ST8SIA5: variants seen among roughly 807,000 people sequenced by gnomAD.
ST8SIA5 encodes ST8 alpha-N-acetyl-neuraminide alpha-2,8-sialyltransferase 5.
A neutral mutation model predicts 40.2 loss-of-function variants in ST8SIA5; 24 were observed. The ratio of observed to expected loss-of-function variants is 0.60; its 90% CI spans 0.43 to 0.84. The LOEUF is 0.84. Among genes scored for constraint, ST8SIA5 ranks in the 40% least tolerant of loss-of-function variants. ST8SIA5 has a pLI of 0.00. For missense variants in ST8SIA5, 465 were observed against 498.5 expected, an observed-to-expected ratio of 0.93 and a Z score of 0.64; for synonymous variants, 198 against 201.8, an observed-to-expected ratio of 0.98 and a Z score of 0.16.
chr18:46,751,975 C>A (rs945291705), intron 1 of ST8SIA5, among the ~76,000 whole-genome samples: 2 of 152,264 alleles, frequency 1.3e-5, no homozygotes, highest in South Asian at 4.2e-4. Flanking sequence ...CTGTCACCCT[C>A]CCCGCTCCCT....
In ST8SIA5 at chr18:46,677,712, C is replaced by T. The variant is rs1437832432; in HGVS notation, c.*2330G>A. 1.3e-5 allele frequency: 2 copies of T among 152,234 alleles called. No individual in the cohort carries two copies. Among genetic ancestry groups the T allele is most frequent in the Non-Finnish European group, 2.9e-5 (2 of 68,060 alleles). The allele number at this position is 152,234 out of a possible 1,614,324, so 9.4% of individuals were successfully genotyped here. A position where few individuals can be genotyped will look rare whatever the true frequency, so the allele number is the denominator to read the frequency against. On this transcript the variant is annotated 3_prime_UTR_variant, in exon 7 of 7. Transcript: ENST00000315087. ...GGCTGGATCCCGATGCTCCAATCCT[C>T]AGCTCCTACGAGGGCCCTGGCTGGG...
At chr18:46,709,084 A>G (rs545313623) in intron 1 of ST8SIA5, among the ~76,000 whole-genome samples, 61 of 152,128 alleles carry the variant, frequency 4.0e-4, no homozygotes, top group Non-Finnish European at 3.1e-4. Context: ...CTCAGTCTGT[A>G]GAGATGATTG....
chr18:46,688,844 C>A lies in ST8SIA5; in HGVS notation c.387G>T (p.Lys129Asn). 1 of 1,614,112 alleles carries A rather than the reference C, an allele frequency of 6.2e-7. No individual in the cohort carries two copies. Among genetic ancestry groups the A allele is most frequent in the Non-Finnish European group, 8.5e-7 (1 of 1,180,010 alleles). The change falls in exon 4 of 7, where the codon AAG becomes AAT. Residue 129 changes from lysine (K) to asparagine (N), a missense_variant. Physicochemically the swap from Lys to Asn is moderately conservative, Grantham distance 94. Coordinates refer to ENST00000315087, the MANE Select transcript of ST8SIA5 (RefSeq NM_013305.6). ...TTQKNTPLGT[K>N]LKYEVDTSGI... ...CACTGGTGTCCACCTCATACTTGAGCTTTGTCCCCAGGGGAGTGTTCTTCT... is the reference window on the plus strand; with the variant it reads ...CACTGGTGTCCACCTCATACTTGAGATTTGTCCCCAGGGGAGTGTTCTTCT...
Position 46,688,831 on chromosome 18 carries a change from C to A in ST8SIA5, c.400G>T (p.Val134Leu). 1 of 1,614,110 alleles carries A rather than the reference C, an allele frequency of 6.2e-7. No individual in the cohort carries two copies. The highest frequency in any genetic ancestry group is 8.5e-7 in the Non-Finnish European group (1 of 1,180,012). The change falls in exon 4 of 7, where the codon GTG becomes TTG. Residue 134 changes from valine to leucine, a missense_variant. Val to Leu is a conservative substitution (Grantham distance 32, BLOSUM62 1). Coordinates refer to ENST00000315087, the MANE Select transcript of ST8SIA5 (RefSeq NM_013305.6). ...TPLGTKLKYE[V>L]DTSGIYHINQ... ...ATGTGGTAGATGCCACTGGTGTCCA[C>A]CTCATACTTGAGCTTTGTCCCCAGG...
At chr18:46,716,705 A>G (rs1214059831) in intron 1 of ST8SIA5, among the ~76,000 whole-genome samples, 1 of 152,228 alleles carries the variant, frequency 6.6e-6, no homozygotes, top group Non-Finnish European at 1.5e-5. Flanking sequence ...AGTCCTCCAA[A>G]GCCAGAGGCT....
rs547683408 is a variant in ST8SIA5 at position 46,731,085 on chromosome 18, G to A, written c.131+25293C>T. On this transcript the variant is annotated intron_variant, in intron 1 of 6. Transcript: ENST00000315087. ...AAATGGCTCTGTCAACTACGTGAGC[G>A]CTAGTTGTTTATCCGGAGAAGATGC... 1.7e-4 allele frequency among the ~76,000 whole-genome samples: 26 copies of A among 152,354 alleles called. No individual in the cohort carries two copies. In the East Asian group the frequency reaches 2.1e-3, roughly 12 times the overall value.
intron 1 of ST8SIA5, among the ~76,000 whole-genome samples, chr18:46,708,250 G>C (rs1222809683): frequency 6.6e-6 from 1 of 152,088 alleles, no homozygotes; most frequent in African/African-American, 2.4e-5. Flanking sequence ...CCTGAGTCAG[G>C]GATGAACAAC....
At position 46,682,082 on chromosome 18, in the gene ST8SIA5, C is replaced by A; in HGVS notation, c.570-18G>T. 1 of 1,593,378 alleles carries A rather than the reference C, an allele frequency of 6.3e-7. No homozygotes were observed. Among genetic ancestry groups the A allele is most frequent in the Non-Finnish European group, 8.5e-7 (1 of 1,170,696 alleles). On this transcript the variant is annotated intron_variant, in intron 5 of 6. Transcript: ENST00000315087. ...GGTTGCACCTGCAGAAGAGAAAAGGCAGCCCAAGGTGGTTGGTCATTCAAT... is the reference window on the plus strand; with the variant it reads ...GGTTGCACCTGCAGAAGAGAAAAGGAAGCCCAAGGTGGTTGGTCATTCAAT...
intron 1 of ST8SIA5, among the ~76,000 whole-genome samples, chr18:46,708,385 C>T: frequency 6.6e-6 from 1 of 152,184 alleles, no homozygotes; most frequent in East Asian, 1.9e-4. Context: ...TGCTTGATCA[C>T]CTCATCTCAC....
intron 2 of ST8SIA5, among the ~76,000 whole-genome samples, chr18:46,693,480 G>T (rs1835899445): frequency 6.6e-6 from 1 of 152,134 alleles, no homozygotes. Context: ...AAACATCTCA[G>T]CATCATGACA....
intron 1 of ST8SIA5, among the ~76,000 whole-genome samples, chr18:46,751,814 C>A (rs11876971): frequency 1.3e-5 from 2 of 152,140 alleles, no homozygotes; most frequent in Non-Finnish European, 2.9e-5. Context: ...TCAAGGTCTC[C>A]GGCTATAACA....
At chr18:46,726,762 C>T (rs956034197) in intron 1 of ST8SIA5, among the ~76,000 whole-genome samples, 1 of 151,930 alleles carries the variant, frequency 6.6e-6, no homozygotes, top group Non-Finnish European at 1.5e-5. Flanking sequence ...ACTAAAAATA[C>T]AAAAAAATTA....
intron 1 of ST8SIA5, 54 bp downstream of exon 1, chr18:46,756,324 C>A (rs1387588429): frequency 6.3e-7 from 1 of 1,599,580 alleles, no homozygotes; most frequent in South Asian, 1.1e-5. Context: ...CACTGCCACC[C>A]GGGGGCTCGC....
At chr18:46,690,434 T>C (rs1020205687) in intron 3 of ST8SIA5, among the ~76,000 whole-genome samples, 1 of 152,116 alleles carries the variant, frequency 6.6e-6, no homozygotes, top group Admixed American at 6.5e-5. Flanking sequence ...CAAGGCCTGA[T>C]GTCACTGCCT....
chr18:46,726,291 T>C (rs1292427090), intron 1 of ST8SIA5, among the ~76,000 whole-genome samples: 2 of 151,984 alleles, frequency 1.3e-5, no homozygotes, highest in African/African-American at 2.4e-5. Flanking sequence ...GAGCATCTAC[T>C]ATGCATTAGG....
rs541386064 is a variant in ST8SIA5, at chr18:46,669,358, C to T, written c.*10684G>A. 3 of 152,348 alleles carry T rather than the reference C, an allele frequency of 2.0e-5. No homozygotes were observed. The highest frequency in any genetic ancestry group is 4.1e-4 in the South Asian group (2 of 4,832). The allele number at this position is 152,348 out of a possible 1,614,324, so 9.4% of individuals were successfully genotyped here. A position where few individuals can be genotyped will look rare whatever the true frequency, so the allele number is the denominator to read the frequency against. The stretch of plus-strand genomic sequence containing the variant: ...CCCACCATGGGTGCCCTGGGCACAC[C>T]ACGCTATCTTTCTGGGCCTCGGCAA... On this transcript the variant is annotated 3_prime_UTR_variant, in exon 7 of 7. Transcript: ENST00000315087.
intron 1 of ST8SIA5, among the ~76,000 whole-genome samples, chr18:46,725,517 C>T (rs1383330678): frequency 2.0e-5 from 3 of 150,740 alleles, no homozygotes; most frequent in African/African-American, 7.4e-5. Flanking sequence ...CTTAGCAAGA[C>T]ACTCATTATT....
At chr18:46,701,237 T>C (rs1489121146) in intron 2 of ST8SIA5, among the ~76,000 whole-genome samples, 5 of 138,870 alleles carry the variant, frequency 3.6e-5, no homozygotes, top group Non-Finnish European at 7.6e-5. Flanking sequence ...ACCTCCCGGG[T>C]TCAAGCAATT....
In ST8SIA5 at chr18:46,688,859, A is replaced by C. The variant is rs76732091; in HGVS notation, c.372T>G (p.Thr124=). Residue 124 remains threonine, a synonymous_variant, in exon 4 of 7, where the codon ACT becomes ACG. Coordinates refer to ENST00000315087, the MANE Select transcript of ST8SIA5 (RefSeq NM_013305.6). ...PAFLFTTQKN[T]PLGTKLKYEV... is the part of the protein sequence containing the mutation. ...CATACTTGAGCTTTGTCCCCAGGGG[A>C]GTGTTCTTCTGGGTGGTGAAGAGAA... 4,017 of 1,613,940 alleles carry C rather than the reference A, an allele frequency of 2.5e-3. 73 individuals are homozygous for C. The African/African-American group carries it at 0.045, about 18-fold the overall frequency.
Sources: allele counts gnomAD v4.1 joint callset (sites outside exome capture counted in the v4.1 genomes callset), GRCh38; gene constraint gnomAD v4.1.1; transcripts MANE v1.5; gene names NCBI Gene and HGNC (gene_info 2026-07-23, HGNC 2026-07-21).